KCNIP1: variants seen among roughly 807,000 people sequenced by gnomAD.
KCNIP1 encodes the protein potassium voltage-gated channel interacting protein 1.
A neutral mutation model predicts 33.0 loss-of-function variants in KCNIP1; 18 were observed. That is an observed-to-expected ratio of 0.55 (90% CI 0.38 to 0.81). The LOEUF is 0.81. KCNIP1 is among the 30% of genes least tolerant of loss of function. The pLI, the probability that KCNIP1 is intolerant of heterozygous loss-of-function variation, is 0.00. For synonymous variants in KCNIP1, 93 were observed against 98.3 expected, an observed-to-expected ratio of 0.95 and a Z score of 0.32; for missense variants, 238 against 271.6, an observed-to-expected ratio of 0.88 and a Z score of 0.87.
At chr5:170,367,744 G>A (rs1008838934) in intron 1 of KCNIP1, among the ~76,000 whole-genome samples, 5 of 152,042 alleles carry the variant, frequency 3.3e-5, no homozygotes, top group Non-Finnish European at 5.9e-5. Context: ...CCTCTCACCC[G>A]CTTTGCTGCA....
chr5:170,637,497 T>C (rs548854268), intron 1 of KCNIP1, among the ~76,000 whole-genome samples: 1 of 152,058 alleles, frequency 6.6e-6, no homozygotes, highest in Non-Finnish European at 1.5e-5. Flanking sequence ...CTCCAAACAC[T>C]CCCACCCACA....
intron 1 of KCNIP1, among the ~76,000 whole-genome samples, chr5:170,433,846 T>A (rs17740088): frequency 0.023 from 3,433 of 152,236 alleles, 110 homozygotes; most frequent in Admixed American, 0.084. Flanking sequence ...AGGCACCAAT[T>A]TACCCAGGAT....
chr5:170,628,598 A>G (rs1185274049), intron 1 of KCNIP1, among the ~76,000 whole-genome samples: 2 of 152,196 alleles, frequency 1.3e-5, no homozygotes, highest in Non-Finnish European at 2.9e-5. Context: ...TATGTGATCC[A>G]GAAGGCGGCC....
chr5:170,477,390 C>A (rs992810762), intron 1 of KCNIP1, among the ~76,000 whole-genome samples: 1 of 151,200 alleles, frequency 6.6e-6, no homozygotes, highest in Non-Finnish European at 1.5e-5. Context: ...ATATAACTGC[C>A]CTCTAAAGGT....
intron 1 of KCNIP1, among the ~76,000 whole-genome samples, chr5:170,357,304 G>T (rs1006564733): frequency 2.0e-5 from 3 of 152,094 alleles, no homozygotes; most frequent in Non-Finnish European, 4.4e-5. Context: ...CTTCTTATGG[G>T]GTTGAATGAG....
chr5:170,710,205 G>A (rs888519853), intron 1 of KCNIP1, among the ~76,000 whole-genome samples: 1 of 152,116 alleles, frequency 6.6e-6, no homozygotes, highest in Non-Finnish European at 1.5e-5. Context: ...ATCTGTCTGT[G>A]CATTTTTCTA....
In KCNIP1 at chr5:170,545,527, C is replaced by T. The variant is rs150493283; in HGVS notation, c.61+40894C>T. Among the ~76,000 whole-genome samples the T allele has an allele frequency of 2.1e-3, 312 of 152,184 alleles. 2 individuals are homozygous for T. The highest frequency in any genetic ancestry group is 3.7e-3 in the Non-Finnish European group (249 of 68,030). On this transcript the variant is annotated intron_variant, in intron 1 of 7. Coordinates refer to ENST00000328939, the MANE Select transcript of KCNIP1 (RefSeq NM_014592.4). ...GTGTATGTTAGACCTTTGATAATGC[C>T]CCATGTGTTACTCATACTGTTGTCT...
chr5:170,692,395 A>G (rs753581376), intron 1 of KCNIP1, among the ~76,000 whole-genome samples: 1 of 152,232 alleles, frequency 6.6e-6, no homozygotes, highest in African/African-American at 2.4e-5. Flanking sequence ...GCAAAGAATC[A>G]ATGCTAAGCA....
intron 4 of KCNIP1, among the ~76,000 whole-genome samples, chr5:170,722,287 T>C (rs1377576852): frequency 6.6e-6 from 1 of 151,772 alleles, no homozygotes. Context: ...AGAGATAGAG[T>C]AGTTTTCCCA....
chr5:170,532,519 CA>C (rs1327560470), intron 1 of KCNIP1, among the ~76,000 whole-genome samples: 1 of 152,222 alleles, frequency 6.6e-6, no homozygotes, highest in South Asian at 2.1e-4. Flanking sequence ...ACCACGCATG[CA>C]TGTGCTCTCT....
At chr5:170,468,834 G>A (rs1313663031) in intron 1 of KCNIP1, among the ~76,000 whole-genome samples, 3 of 151,782 alleles carry the variant, frequency 2.0e-5, no homozygotes, top group African/African-American at 2.4e-5. Flanking sequence ...CCGAGATCGC[G>A]CCCCTACCCT....
chr5:170,560,200 C>G (rs1756986951), intron 1 of KCNIP1, among the ~76,000 whole-genome samples: 1 of 152,166 alleles, frequency 6.6e-6, no homozygotes, highest in Non-Finnish European at 1.5e-5. Context: ...CTTCCAGCTC[C>G]TCCTCTCAGC....
intron 1 of KCNIP1, among the ~76,000 whole-genome samples, chr5:170,529,974 C>T (rs1358552521): frequency 6.6e-6 from 1 of 152,168 alleles, no homozygotes; most frequent in Non-Finnish European, 1.5e-5. Flanking sequence ...TTAAACTCTT[C>T]CTTGAATGCT....
chr5:170,477,567 C>T (rs904661642), intron 1 of KCNIP1, among the ~76,000 whole-genome samples: 23 of 152,100 alleles, frequency 1.5e-4, no homozygotes, highest in Non-Finnish European at 3.4e-4. Context: ...CTCAGCCTCC[C>T]AAGTAGCTGG....
At chr5:170,557,640 A>G (rs1174766713) in intron 1 of KCNIP1, among the ~76,000 whole-genome samples, 3 of 152,186 alleles carry the variant, frequency 2.0e-5, no homozygotes, top group Non-Finnish European at 2.9e-5. Context: ...ATCCTATTTG[A>G]GCCACATGAC....
chr5:170,512,124 T>C (rs554062491), intron 1 of KCNIP1, among the ~76,000 whole-genome samples: 2 of 152,362 alleles, frequency 1.3e-5, no homozygotes, highest in East Asian at 3.9e-4. Context: ...TTAATAGGAT[T>C]AAACATCTCT....
intron 1 of KCNIP1, chr5:170,712,889 A>G (rs1289151476): frequency 6.2e-7 from 1 of 1,612,812 alleles, no homozygotes; most frequent in Non-Finnish European, 8.5e-7. Flanking sequence ...TCAGAGAGGT[A>G]AAAAACAGTT....
chr5:170,692,155 A>G (rs1268534865), intron 1 of KCNIP1, among the ~76,000 whole-genome samples: 1 of 152,148 alleles, frequency 6.6e-6, no homozygotes. Flanking sequence ...GCAATTTAAC[A>G]TGCGTGGGAT....
At chr5:170,445,823 A>G (rs1756100406) in intron 1 of KCNIP1, among the ~76,000 whole-genome samples, 1 of 152,240 alleles carries the variant, frequency 6.6e-6, no homozygotes, top group Non-Finnish European at 1.5e-5. Flanking sequence ...AGGTTAAAGA[A>G]GGTGAAAGGG....
Sources: gnomAD v4.1 joint callset for allele counts (sites outside exome capture counted in the v4.1 genomes callset) on GRCh38, gnomAD v4.1.1 for gene constraint, MANE v1.5 for transcripts, NCBI Gene and HGNC (gene_info 2026-07-23, HGNC 2026-07-21) for gene names.